Variants in CCDC170 observed in about 807,000 individuals in gnomAD.
CCDC170 encodes coiled-coil domain-containing protein 170.
Under a neutral mutation model 72.6 loss-of-function variants are expected in CCDC170, and 69 were observed. That is an observed-to-expected ratio of 0.95 (90% CI 0.78 to 1.16). The LOEUF (loss-of-function observed/expected upper bound fraction) is 1.16, where lower values mean the gene tolerates loss of function less well. Ranked by LOEUF, CCDC170 falls within the 50% of genes most tolerant of loss-of-function variation. The probability of loss-of-function intolerance (pLI) is 0.00; values close to 1 mark genes in which losing one functional copy is unlikely to be tolerated. For synonymous variants in CCDC170, 300 were observed against 303.9 expected (o/e 0.99, Z 0.13); for missense variants, 852 against 832.5 (o/e 1.02, Z -0.29).
In CCDC170 at chr6:151,568,110, A is replaced by G. The variant is rs868138002; in HGVS notation, c.775-5064A>G. Among the ~76,000 whole-genome samples, 195 of 149,848 alleles carry G rather than the reference A, an allele frequency of 1.3e-3. 1 individual carries two copies. The highest frequency in any genetic ancestry group is 4.3e-3 in the African/African-American group (176 of 40,698). On this transcript the variant is annotated intron_variant, in intron 5 of 10. Coordinates refer to ENST00000239374, the MANE Select transcript of CCDC170 (RefSeq NM_025059.4). ...GGGCGACAGAGTGAGACTCTGAAAA[A>G]AAAAAAAAAAAAAAAAAAAAAGGGA...
intron 9 of CCDC170, among the ~76,000 whole-genome samples, chr6:151,600,165 T>A (rs1477109119): frequency 6.6e-6 from 1 of 152,238 alleles, no homozygotes; most frequent in African/African-American, 2.4e-5. Context: ...AGATTTTTGT[T>A]TTGTATTTGA....
chr6:151,611,844 G>A (rs974893900), intron 9 of CCDC170, among the ~76,000 whole-genome samples: 4 of 152,026 alleles, frequency 2.6e-5, no homozygotes, highest in Non-Finnish European at 2.9e-5. Context: ...CTGAGTAGCC[G>A]GGAGTACAGG....
At chr6:151,542,914 A>G (rs1435756834) in intron 3 of CCDC170, among the ~76,000 whole-genome samples, 1 of 152,244 alleles carries the variant, frequency 6.6e-6, no homozygotes, top group African/African-American at 2.4e-5. Context: ...ATAAGAACTC[A>G]GAAATATAGT....
At chr6:151,605,914 T>G (rs990254825) in intron 9 of CCDC170, among the ~76,000 whole-genome samples, 1 of 151,776 alleles carries the variant, frequency 6.6e-6, no homozygotes, top group African/African-American at 2.4e-5. Context: ...TTTTTTTTTT[T>G]TTTTTGAGAC....
At chr6:151,497,351 A>G (rs1451953277) in intron 1 of CCDC170, among the ~76,000 whole-genome samples, 2 of 152,198 alleles carry the variant, frequency 1.3e-5, no homozygotes, top group Admixed American at 1.3e-4. Context: ...ACTGCACCCC[A>G]GCCTGGGCAA....
intron 9 of CCDC170, among the ~76,000 whole-genome samples, chr6:151,608,093 T>C (rs1356330446): frequency 2.6e-5 from 4 of 152,222 alleles, no homozygotes; most frequent in South Asian, 2.1e-4. Flanking sequence ...TTCTTCTGCA[T>C]GATCTAGTCT....
chr6:151,590,845 G>A (rs866467267), intron 7 of CCDC170, among the ~76,000 whole-genome samples: 3 of 152,142 alleles, frequency 2.0e-5, no homozygotes, highest in Admixed American at 6.6e-5. Flanking sequence ...GTTTCATACC[G>A]TCATGTAATA....
intron 1 of CCDC170, among the ~76,000 whole-genome samples, chr6:151,527,251 A>C (rs1015068973): frequency 1.3e-5 from 2 of 152,054 alleles, no homozygotes; most frequent in African/African-American, 4.8e-5. Context: ...AAAGAGATGG[A>C]AAATAATGTA....
intron 9 of CCDC170, among the ~76,000 whole-genome samples, chr6:151,597,989 CT>C (rs1776650059): frequency 6.6e-6 from 1 of 152,214 alleles, no homozygotes; most frequent in Non-Finnish European, 1.5e-5. Context: ...ATATTTTCCA[CT>C]GTAGTTTCCC....
intron 5 of CCDC170, among the ~76,000 whole-genome samples, chr6:151,562,470 G>C (rs1776051488): frequency 6.6e-6 from 1 of 152,028 alleles, no homozygotes; most frequent in Admixed American, 6.6e-5. Context: ...GATTTCAGAG[G>C]GCCAAAGTGC....
Position 151,538,142 on chromosome 6 carries a change from C to A in CCDC170, c.284C>A (p.Ser95Ter). 1 of 1,613,852 alleles carries A rather than the reference C, an allele frequency of 6.2e-7. No individual in the cohort carries two copies. The highest frequency in any genetic ancestry group is 8.5e-7 in the Non-Finnish European group (1 of 1,179,922). ...TACAAGGAAAACAATGCCAGAAAAT[C>A]ATCTCTCCTTACCTCTTTGAGAGAC... ...ESYKENNARK[S>*]SLLTSLRDRV... The change falls in exon 3 of 11, where the codon TCA becomes TAA. Residue 95 changes from serine (S) to a stop codon, truncating the protein, a stop_gained. Transcript: ENST00000239374. LOFTEE classifies it high-confidence loss of function.
At chr6:151,531,359 T>G (rs75211174) in intron 1 of CCDC170, among the ~76,000 whole-genome samples, 5,245 of 152,284 alleles carry the variant, frequency 0.034, 192 homozygotes, top group East Asian at 0.22. Flanking sequence ...TTCCAGCACT[T>G]TGTGAGGCCA....
At chr6:151,597,156 GCT>G (rs1411256883) in intron 9 of CCDC170, among the ~76,000 whole-genome samples, 1 of 151,030 alleles carries the variant, frequency 6.6e-6, no homozygotes, top group East Asian at 2.0e-4. Context: ...ACTGAGTCTC[GCT>G]CTGTTGTCCA....
At position 151,573,491 on chromosome 6, in the gene CCDC170, G is replaced by A; in HGVS notation, c.1092G>A (p.Arg364=). 1 of 1,612,540 alleles carries A rather than the reference G, an allele frequency of 6.2e-7. No homozygotes were observed. Among genetic ancestry groups the A allele is most frequent in the South Asian group, 1.1e-5 (1 of 90,866 alleles). The change falls in exon 6 of 11, where the codon CGG becomes CGA. Residue 364 remains arginine, a splice_region_variant and synonymous_variant. Coordinates refer to ENST00000239374, the MANE Select transcript of CCDC170 (RefSeq NM_025059.4). ...EMDSREESRD[R]MVSQLEAQIS... ...ACAGCCGGGAAGAAAGCAGGGACCG[G>A]GTGAGTGGGTCATGGCTGTTTACAG...
intron 9 of CCDC170, among the ~76,000 whole-genome samples, chr6:151,603,623 C>T (rs918910011): frequency 7.9e-5 from 12 of 152,156 alleles, no homozygotes; most frequent in African/African-American, 2.9e-4. Context: ...ATTGAAACAC[C>T]CCATGATATC....
chr6:151,601,993 T>C (rs985039930), intron 9 of CCDC170, among the ~76,000 whole-genome samples: 4 of 152,216 alleles, frequency 2.6e-5, no homozygotes, highest in African/African-American at 9.6e-5. Context: ...TTGATGAGCA[T>C]TTAGATTGTT....
chr6:151,613,963 A>T lies in CCDC170; in HGVS notation c.1711-1480A>T, dbSNP rs549990499. Among the ~76,000 whole-genome samples the T allele has an allele frequency of 8.5e-5, 13 of 152,348 alleles. No individual in the cohort carries two copies. In the South Asian group the frequency reaches 2.7e-3, roughly 32 times the overall value. On this transcript the variant is annotated intron_variant, in intron 9 of 10. Coordinates refer to ENST00000239374, the MANE Select transcript of CCDC170 (RefSeq NM_025059.4). ...CATTTTACATACCTACCAGTAGTGT[A>T]TGAGAGTTCTAGCTTCCTCACATCC...
chr6:151,572,287 G>A (rs538586226), intron 5 of CCDC170, among the ~76,000 whole-genome samples: 100 of 152,252 alleles, frequency 6.6e-4, no homozygotes, highest in African/African-American at 2.3e-3. Context: ...ATGAGACAAG[G>A]GGATATGCAA....
chr6:151,554,872 G>GTTTTTT lies in CCDC170; in HGVS notation c.774+6400_774+6405dup, dbSNP rs1173500486. ...CGTAGCTTGATCTTTTTGGACCTCAGTTTTTTTTTTTTTTTTTTTTTTGTG... is the reference window on the plus strand; with the variant it reads ...CGTAGCTTGATCTTTTTGGACCTCAGTTTTTTTTTTTTTTTTTTTTTTTTTTTTGTG... On this transcript the variant is annotated intron_variant, in intron 5 of 10. Transcript: ENST00000239374. 7.3e-4 allele frequency among the ~76,000 whole-genome samples: 75 copies of GTTTTTT among 102,320 alleles called. 2 individuals carry two copies. The highest frequency in any genetic ancestry group is 2.4e-3 in the East Asian group (6 of 2,512). The allele number at this position is 102,320 out of a possible 152,430, so 67.1% of individuals were successfully genotyped here.
Sources: gnomAD v4.1 joint callset for allele counts (sites outside exome capture counted in the v4.1 genomes callset) on GRCh38, gnomAD v4.1.1 for gene constraint, MANE v1.5 for transcripts, NCBI Gene and HGNC (gene_info 2026-07-23, HGNC 2026-07-21) for gene names.